The following RAD54B variants were observed in gnomAD, a reference collection of about 807,000 sequenced individuals.
RAD54B encodes RAD54 homolog B, also known as DNA repair and recombination protein RAD54B.
A neutral mutation model predicts 95.8 loss-of-function variants in RAD54B; 78 were observed. That is an observed-to-expected ratio of 0.81 (90% CI 0.68 to 0.98). The LOEUF (loss-of-function observed/expected upper bound fraction) is 0.98. Among genes scored for constraint, RAD54B ranks in the 50% least tolerant of loss-of-function variants. RAD54B has a pLI of 0.00. For synonymous variants in RAD54B, 328 were observed against 354.9 expected (o/e 0.92, Z 0.85); for missense variants, 957 against 1,056.6 (o/e 0.91, Z 1.31).
chr8:94,463,197 T>C (rs1812946354), intron 2 of RAD54B, among the ~76,000 whole-genome samples: 1 of 143,912 alleles, frequency 6.9e-6, no homozygotes, highest in Non-Finnish European at 1.5e-5. Flanking sequence ...AATAAATAAA[T>C]AAATAAATAA....
At chr8:94,452,440 T>TA (rs1421300397) in intron 3 of RAD54B, among the ~76,000 whole-genome samples, 2 of 152,202 alleles carry the variant, frequency 1.3e-5, no homozygotes, top group East Asian at 3.8e-4. Context: ...ACATTACACA[T>TA]ATACATACAA....
chr8:94,467,242 A>T (rs1288956332), intron 2 of RAD54B, among the ~76,000 whole-genome samples, 163 bp downstream of exon 2: 1 of 152,060 alleles, frequency 6.6e-6, no homozygotes, highest in Non-Finnish European at 1.5e-5. Flanking sequence ...ATTCCTTTTA[A>T]AAAAAAATTA....
intron 14 of RAD54B, among the ~76,000 whole-genome samples, chr8:94,375,626 T>C (rs137898125): frequency 1.3e-5 from 2 of 152,158 alleles, no homozygotes; most frequent in East Asian, 1.9e-4. Flanking sequence ...CAGACTAATA[T>C]AGTGGGGGAT....
intron 4 of RAD54B, among the ~76,000 whole-genome samples, chr8:94,410,069 C>A (rs1478365811): frequency 6.6e-6 from 1 of 152,188 alleles, no homozygotes; most frequent in Non-Finnish European, 1.5e-5. Context: ...ACTGTCACGG[C>A]CTTTCATACA....
chr8:94,378,073 C>A, intron 14 of RAD54B, 107 bp downstream of exon 14: 10 of 727,322 alleles, frequency 1.4e-5, no homozygotes, highest in South Asian at 5.3e-5. Flanking sequence ...ATAAAACTAA[C>A]ATATGCAAAT....
intron 1 of RAD54B, chr8:94,467,981 T>A (rs1277134378): frequency 2.0e-5 from 3 of 153,254 alleles, no homozygotes; most frequent in Non-Finnish European, 4.4e-5. Context: ...CTATTATTCT[T>A]TGTTCTGAAT....
chr8:94,450,584 T>A (rs1206047516), intron 3 of RAD54B, among the ~76,000 whole-genome samples: 2 of 152,210 alleles, frequency 1.3e-5, no homozygotes, highest in African/African-American at 2.4e-5. Flanking sequence ...AAATAAGCAC[T>A]TTTAATAAGG....
intron 3 of RAD54B, among the ~76,000 whole-genome samples, chr8:94,424,924 T>C (rs578112639): frequency 4.0e-5 from 6 of 151,882 alleles, no homozygotes; most frequent in Non-Finnish European, 7.4e-5. Context: ...TAGCTGGGCA[T>C]GGTGGTGCAC....
Position 94,382,717 on chromosome 8 carries a change from CG to C in RAD54B, c.1986-2312del, listed in dbSNP as rs1810774704. Among the ~76,000 whole-genome samples the C allele has an allele frequency of 2.6e-5, 4 of 152,224 alleles. No individual in the cohort carries two copies. In the East Asian group the frequency reaches 7.7e-4, roughly 29 times the overall value. On this transcript the variant is annotated intron_variant, in intron 11 of 14. Coordinates refer to ENST00000336148, the MANE Select transcript of RAD54B (RefSeq NM_012415.3). ...GTGGGAGGTGACTAAATCACGGGGGCGGTTTCCTGCATGCTGTTCTCGTGAT... is the reference window on the plus strand; with the variant it reads ...GTGGGAGGTGACTAAATCACGGGGGCGTTTCCTGCATGCTGTTCTCGTGAT...
chr8:94,381,940 C>T (rs1810750932), intron 11 of RAD54B, among the ~76,000 whole-genome samples: 1 of 151,904 alleles, frequency 6.6e-6, no homozygotes, highest in African/African-American at 2.4e-5. Flanking sequence ...GGTGAAACCC[C>T]GTCTCTACTA....
Position 94,380,551 on chromosome 8 carries a change from C to G in RAD54B, c.1986-145G>C, listed in dbSNP as rs2129956010. 11 of 863,176 alleles carry G rather than the reference C, an allele frequency of 1.3e-5. No individual in the cohort carries two copies. The South Asian group carries it at 2.1e-4, about 17-fold the overall frequency. 53.5% of individuals were successfully genotyped at this position (863,176 alleles called of 1,614,324 possible). A position where few individuals can be genotyped will look rare whatever the true frequency, so the allele number is the denominator to read the frequency against. On this transcript the variant is annotated intron_variant, in intron 11 of 14. Transcript: ENST00000336148. Reference sequence around the variant, plus strand: ...CTTGTACAATTAAAACATAGGTATTCCTGCATATTCCATTTTAAAGTCAAT... The same window carrying G: ...CTTGTACAATTAAAACATAGGTATTGCTGCATATTCCATTTTAAAGTCAAT...
intron 2 of RAD54B, among the ~76,000 whole-genome samples, chr8:94,459,592 G>A (rs1812855290): frequency 6.6e-6 from 1 of 151,974 alleles, no homozygotes; most frequent in Admixed American, 6.5e-5. Context: ...GGGCGCAGTG[G>A]CTCACGCCTG....
In RAD54B at chr8:94,411,184, C is replaced by A. The variant is rs143019153; in HGVS notation, c.436G>T (p.Val146Phe). The A allele has an allele frequency of 1.2e-6, 2 of 1,611,002 alleles. No homozygotes were observed. The highest frequency in any genetic ancestry group is 1.7e-5 in the Admixed American group (1 of 59,370). ...KKHKKWEGDA[V>F]LIVKGKSFIL... Reference sequence around the variant, plus strand: ...AATGACTTTCCTTTTACAATAAGAACAGCATCACCTTCCCACTTTTTATGT... The same window carrying A: ...AATGACTTTCCTTTTACAATAAGAAAAGCATCACCTTCCCACTTTTTATGT... The change falls in exon 4 of 15, where the codon GTT becomes TTT. Residue 146 changes from valine to phenylalanine, a missense_variant. Val to Phe is a conservative substitution (Grantham distance 50, BLOSUM62 -1). Coordinates refer to ENST00000336148, the MANE Select transcript of RAD54B (RefSeq NM_012415.3).
chr8:94,451,366 T>C (rs1282901428), intron 3 of RAD54B, among the ~76,000 whole-genome samples: 2 of 152,106 alleles, frequency 1.3e-5, no homozygotes, highest in Non-Finnish European at 2.9e-5. Context: ...CATTTATGAA[T>C]CCATAAAAAT....
rs927661322 is a variant in RAD54B, at chr8:94,471,028, A to G, written c.-16-3473T>C. ...TTCTTTGCCTAATTAATTCTACCTT[A>G]TCATCTAGGAGTCTTAACCATGAGC... On this transcript the variant is annotated intron_variant, in intron 1 of 14. Transcript: ENST00000336148. 2.6e-5 allele frequency among the ~76,000 whole-genome samples: 4 copies of G among 152,044 alleles called. No individual in the cohort carries two copies. In the East Asian group the frequency reaches 5.8e-4, roughly 22 times the overall value.
intron 3 of RAD54B, among the ~76,000 whole-genome samples, chr8:94,439,288 T>C (rs900384642): frequency 6.6e-6 from 1 of 152,220 alleles, no homozygotes; most frequent in Non-Finnish European, 1.5e-5. Flanking sequence ...AAAAATAAAA[T>C]GCACACGGGA....
At chr8:94,435,628 G>A (rs1026346010) in intron 3 of RAD54B, among the ~76,000 whole-genome samples, 1 of 152,030 alleles carries the variant, frequency 6.6e-6, no homozygotes, top group African/African-American at 2.4e-5. Context: ...ATCTGAATTA[G>A]TGGCAAGATA....
chr8:94,464,284 A>G (rs906242638), intron 2 of RAD54B, among the ~76,000 whole-genome samples: 1 of 152,158 alleles, frequency 6.6e-6, no homozygotes, highest in Non-Finnish European at 1.5e-5. Flanking sequence ...AGAAGGAAAC[A>G]TGAGAACTCA....
chr8:94,390,289 C>G (rs1810984814), intron 10 of RAD54B, among the ~76,000 whole-genome samples: 1 of 151,548 alleles, frequency 6.6e-6, no homozygotes, highest in Admixed American at 6.6e-5. Flanking sequence ...CACCTGAGGT[C>G]AGGAGTTCGA....
Sources: gnomAD v4.1 joint callset for allele counts (sites outside exome capture counted in the v4.1 genomes callset) on GRCh38, gnomAD v4.1.1 for gene constraint, MANE v1.5 for transcripts, NCBI Gene and HGNC (gene_info 2026-07-23, HGNC 2026-07-21) for gene names.